Variants in CSMD1 observed in about 807,000 individuals in gnomAD.
CSMD1 encodes the protein CUB and sushi domain-containing protein 1.
Under a neutral mutation model 417.5 loss-of-function variants are expected in CSMD1, and 213 were observed. The observed-to-expected ratio is 0.51, with a 90% CI of 0.46 to 0.57. CSMD1 has a LOEUF of 0.57. Ranked by LOEUF, CSMD1 falls within the 20% of genes least tolerant of loss-of-function variation. CSMD1 has a pLI of 0.00. For missense variants in CSMD1, 6,923 were observed against 4,529.7 expected (o/e 1.53, Z -15.17); for synonymous variants, 2,862 against 1,736.8 (o/e 1.65, Z -16.11).
intron 23 of CSMD1, among the ~76,000 whole-genome samples, chr8:3,309,732 T>G (rs956487564): frequency 6.6e-6 from 1 of 152,244 alleles, no homozygotes; most frequent in African/African-American, 2.4e-5. Flanking sequence ...GAAATGAATT[T>G]GTGACTTCTG....
intron 3 of CSMD1, among the ~76,000 whole-genome samples, chr8:4,038,282 T>C (rs1401184224): frequency 1.3e-5 from 2 of 152,154 alleles, no homozygotes; most frequent in Non-Finnish European, 2.9e-5. Flanking sequence ...TAGAATATTT[T>C]CTTCTAGTTT....
chr8:3,388,004 T>C (rs1206357813), intron 17 of CSMD1, among the ~76,000 whole-genome samples: 1 of 152,236 alleles, frequency 6.6e-6, no homozygotes, highest in Non-Finnish European at 1.5e-5. Context: ...TCTAAGACTT[T>C]TCCTGTTTTC....
At chr8:4,025,734 C>T (rs1205093662) in intron 4 of CSMD1, among the ~76,000 whole-genome samples, 4 of 152,070 alleles carry the variant, frequency 2.6e-5, no homozygotes, top group Admixed American at 6.6e-5. Context: ...ATTTTGAGGT[C>T]TCATTTTTAA....
chr8:4,300,911 C>T (rs569202792), intron 3 of CSMD1, among the ~76,000 whole-genome samples: 2 of 152,312 alleles, frequency 1.3e-5, no homozygotes, highest in South Asian at 2.1e-4. Flanking sequence ...ATATGTGCCA[C>T]ATTTTCTTAA....
intron 12 of CSMD1, among the ~76,000 whole-genome samples, chr8:3,411,239 C>G (rs980320153): frequency 6.6e-6 from 1 of 152,160 alleles, no homozygotes; most frequent in African/African-American, 2.4e-5. Context: ...CTCTGGACAC[C>G]AGTCCCAAAA....
chr8:4,765,791 G>T (rs1047039864), intron 1 of CSMD1, among the ~76,000 whole-genome samples: 1 of 152,180 alleles, frequency 6.6e-6, no homozygotes, highest in Non-Finnish European at 1.5e-5. Context: ...GAGCCTGGGG[G>T]TTGATGAAAG....
intron 21 of CSMD1, among the ~76,000 whole-genome samples, chr8:3,350,858 A>G (rs1165377755): frequency 9.6e-6 from 1 of 104,062 alleles, no homozygotes; most frequent in Non-Finnish European, 2.1e-5. Context: ...TTTTTTTTAA[A>G]AAAAGCAGAT....
intron 1 of CSMD1, among the ~76,000 whole-genome samples, chr8:4,960,711 C>T (rs187841113): frequency 1.9e-3 from 286 of 152,136 alleles, no homozygotes; most frequent in African/African-American, 6.6e-3. Flanking sequence ...TAGTTTTAGT[C>T]CGGTAGTTTC....
At chr8:3,533,285 A>G (rs917581060) in intron 10 of CSMD1, among the ~76,000 whole-genome samples, 5 of 152,156 alleles carry the variant, frequency 3.3e-5, no homozygotes, top group African/African-American at 1.2e-4. Flanking sequence ...AAATGTTTAA[A>G]TGCCCAATAT....
At chr8:4,605,015 C>T (rs1257710534) in intron 2 of CSMD1, among the ~76,000 whole-genome samples, 1 of 152,138 alleles carries the variant, frequency 6.6e-6, no homozygotes, top group Non-Finnish European at 1.5e-5. Context: ...AACATTAAAG[C>T]AACAACCCCC....
chr8:4,128,812 T>A (rs151304032), intron 3 of CSMD1, among the ~76,000 whole-genome samples: 1 of 152,004 alleles, frequency 6.6e-6, no homozygotes, highest in Non-Finnish European at 1.5e-5. Context: ...CTAGTGCAAG[T>A]AGGGTAAGTT....
chr8:4,298,262 A>C (rs573635911), intron 3 of CSMD1, among the ~76,000 whole-genome samples: 1 of 152,224 alleles, frequency 6.6e-6, no homozygotes, highest in Non-Finnish European at 1.5e-5. Flanking sequence ...AAACACATAC[A>C]TTAAAAGGTA....
chr8:3,179,047 A>G (rs927972106), intron 37 of CSMD1, among the ~76,000 whole-genome samples: 1 of 149,996 alleles, frequency 6.7e-6, no homozygotes, highest in East Asian at 2.0e-4. Flanking sequence ...TCCCGGGTTC[A>G]CGCCATTCTC....
intron 3 of CSMD1, among the ~76,000 whole-genome samples, chr8:4,225,849 T>C (rs1249194099): frequency 1.3e-5 from 2 of 152,200 alleles, no homozygotes; most frequent in African/African-American, 4.8e-5. Context: ...TCAGCCTAAA[T>C]GAAAGTTTTA....
intron 1 of CSMD1, among the ~76,000 whole-genome samples, chr8:4,812,018 C>A (rs1798935621): frequency 6.6e-6 from 1 of 152,138 alleles, no homozygotes; most frequent in Admixed American, 6.6e-5. Context: ...CCAATTACAG[C>A]AGGAGTCAAG....
At position 3,477,322 on chromosome 8, in the gene CSMD1, G is replaced by T. The variant is rs1207939794; in HGVS notation, c.1449-8498C>A. 1.1e-4 allele frequency among the ~76,000 whole-genome samples: 16 copies of T among 152,298 alleles called. No homozygotes were observed. In the South Asian group the frequency reaches 1.2e-3, roughly 12 times the overall value. On this transcript the variant is annotated intron_variant, in intron 11 of 69. Transcript: ENST00000635120. ...ATTTGACAATGGAAACGTAAAGCCTGCCCTTCAGATAAAAACTTGCCTAAA... is the reference window on the plus strand; with the variant it reads ...ATTTGACAATGGAAACGTAAAGCCTTCCCTTCAGATAAAAACTTGCCTAAA...
chr8:3,619,465 G>A (rs1055717974), intron 7 of CSMD1, among the ~76,000 whole-genome samples: 1 of 152,062 alleles, frequency 6.6e-6, no homozygotes, highest in African/African-American at 2.4e-5. Context: ...TCTAGATACA[G>A]TCACTGAAGA....
chr8:3,188,910 C>T lies in CSMD1; in HGVS notation c.5500G>A (p.Val1834Ile), dbSNP rs1419889005. The stretch of plus-strand genomic sequence containing the variant: ...ACCTGAATTCCCGAGCCCTCCGTAA[C>T]TATGATCTTCCATATACAGTTCAAG... ...NNLNCIWKII[V>I]TEGSGIQIQV... The change falls in exon 35 of 70, where the codon GTT becomes ATT. Residue 1834 changes from valine (V) to isoleucine (I), a missense_variant. By Grantham distance (29) the Val-to-Ile change is conservative. Coordinates refer to ENST00000635120, the MANE Select transcript of CSMD1 (RefSeq NM_033225.6). The T allele has an allele frequency of 1.3e-6, 2 of 1,594,466 alleles. No homozygotes were observed. Among genetic ancestry groups the T allele is most frequent in the Non-Finnish European group, 1.7e-6 (2 of 1,170,056 alleles).
intron 5 of CSMD1, among the ~76,000 whole-genome samples, chr8:3,897,748 A>G (rs62480074): frequency 0.027 from 4,182 of 152,282 alleles, 74 homozygotes; most frequent in Non-Finnish European, 0.035. Context: ...AGCCTCCTCC[A>G]TGAAACATTC....
Sources: gnomAD v4.1 joint callset for allele counts (sites outside exome capture counted in the v4.1 genomes callset) on GRCh38, gnomAD v4.1.1 for gene constraint, MANE v1.5 for transcripts, NCBI Gene and HGNC (gene_info 2026-07-23, HGNC 2026-07-21) for gene names.